The following FN1 variants were observed in gnomAD, a reference collection of about 807,000 sequenced individuals.
FN1 encodes the protein fibronectin 1, also known as fibronectin.
Under a neutral mutation model 297.3 loss-of-function variants are expected in FN1, and 106 were observed. That is an observed-to-expected ratio of 0.36 (90% confidence interval 0.30 to 0.42). The LOEUF is 0.42. Ranked by LOEUF, FN1 falls within the 10% of genes least tolerant of loss-of-function variation. FN1 has a pLI of 1.00. For synonymous variants in FN1, 1,149 were observed against 1,152.6 expected (o/e 1.00, Z 0.06); for missense variants, 2,690 against 3,124.9 (o/e 0.86, Z 3.32).
chr2:215,378,634 CCT>C (rs2057732869), intron 34 of FN1, among the ~76,000 whole-genome samples: 1 of 152,062 alleles, frequency 6.6e-6, no homozygotes. Flanking sequence ...GTCTCTGAAC[CCT>C]CTTTCTGTAG....
rs1425522048 is a variant in FN1 at position 215,401,198 on chromosome 2, A to AAAG, written c.3254-1848_3254-1847insCTT. 3.7e-3 allele frequency among the ~76,000 whole-genome samples: 318 copies of AAAG among 86,774 alleles called. 19 individuals are homozygous for AAAG. Among genetic ancestry groups the AAAG allele is most frequent in the African/African-American group, 8.3e-3 (162 of 19,514 alleles). The allele number at this position is 86,774 out of a possible 152,430, so 56.9% of individuals were successfully genotyped here. On this transcript the variant is annotated intron_variant, in intron 20 of 45. Coordinates refer to ENST00000354785, the MANE Select transcript of FN1 (RefSeq NM_212482.4). Reference sequence around the variant, plus strand: ...GAGAGAGAGTGAGAGAGAAAGAAAGAAAAGAAAGAAAGAAAGAAAGAAAGA... The same window carrying AAAG: ...GAGAGAGAGTGAGAGAGAAAGAAAGAAAGAAAGAAAGAAAGAAAGAAAGAAAGA...
intron 4 of FN1, among the ~76,000 whole-genome samples, 178 bp downstream of exon 4, chr2:215,431,655 C>T (rs1396621989): frequency 1.3e-5 from 2 of 152,188 alleles, no homozygotes; most frequent in Non-Finnish European, 2.9e-5. Context: ...ACTTTTTGAT[C>T]TAACTCCTGT....
chr2:215,397,122 C>G lies in FN1; in HGVS notation c.3604+15G>C, dbSNP rs987742032. ...GTATGGTGTATACTTGCCCTCTGAT[C>G]CATCCCAAACTTACCTGGGGTGGTG... is the stretch of plus-strand genomic sequence containing the variant. On this transcript the variant is annotated intron_variant, in intron 23 of 45. Coordinates refer to ENST00000354785, the MANE Select transcript of FN1 (RefSeq NM_212482.4). 25 of 1,574,326 alleles carry G rather than the reference C, an allele frequency of 1.6e-5. No homozygotes were observed. The highest frequency in any genetic ancestry group is 2.1e-5 in the Non-Finnish European group (24 of 1,143,668).
chr2:215,435,811 G>C lies in FN1; in HGVS notation c.-9C>G, dbSNP rs752715538. ...CCCGGACCCCTAAGCATGTTGAGAC[G>C]GTGGGGGAGAGACGCCCGCACCGGG... On this transcript the variant is annotated 5_prime_UTR_variant, in exon 1 of 46. Transcript: ENST00000354785. 5.8e-6 allele frequency: 9 copies of C among 1,538,590 alleles called. No individual in the cohort carries two copies. The highest frequency in any genetic ancestry group is 1.2e-5 in the South Asian group (1 of 84,540).
At chr2:215,371,842 C>G in intron 40 of FN1, 67 bp downstream of exon 40, 1 of 1,383,214 alleles carries the variant, frequency 7.2e-7, no homozygotes, top group Admixed American at 1.7e-5. Flanking sequence ...GAGGGCTGGT[C>G]ACTTCAGTTA....
chr2:215,419,562 A>G (rs200790265), intron 11 of FN1, among the ~76,000 whole-genome samples, 177 bp from the exon 12 acceptor site: 5 of 80,092 alleles, frequency 6.2e-5, no homozygotes, highest in Admixed American at 5.8e-4. Flanking sequence ...AGTTTGTAGT[A>G]AAAAAAAAAC....
chr2:215,386,977 G>T lies in FN1; in HGVS notation c.4343-19C>A. ...TCAAGACCTGTTTTTCCCACCCGGGGGAGGAAGAGAAAAAAAAAAGAAAAG... is the reference window on the plus strand; with the variant it reads ...TCAAGACCTGTTTTTCCCACCCGGGTGAGGAAGAGAAAAAAAAAAGAAAAG... On this transcript the variant is annotated intron_variant, in intron 27 of 45. Transcript: ENST00000354785. The T allele has an allele frequency of 6.2e-7, 1 of 1,600,518 alleles. No homozygotes were observed. Among genetic ancestry groups the T allele is most frequent in the Non-Finnish European group, 8.5e-7 (1 of 1,174,162 alleles).
intron 25 of FN1, 35 bp downstream of exon 25, chr2:215,392,896 T>C (rs553659977): frequency 6.2e-7 from 1 of 1,611,340 alleles, no homozygotes; most frequent in African/African-American, 1.3e-5. Flanking sequence ...TGCAACACCA[T>C]CTATGTCTCA....
chr2:215,392,086 G>T (rs1301352826), intron 25 of FN1: 5 of 427,374 alleles, frequency 1.2e-5, no homozygotes, highest in Non-Finnish European at 2.1e-5. Flanking sequence ...TTGACTTTAT[G>T]TACATTATTA....
intron 32 of FN1, chr2:215,381,985 C>G: frequency 2.0e-6 from 1 of 499,386 alleles, no homozygotes; most frequent in Non-Finnish European, 3.6e-6. Context: ...AAAAGAAATT[C>G]AAAGCACAGC....
intron 42 of FN1, 60 bp downstream of exon 42, chr2:215,367,803 G>T: frequency 1.3e-6 from 2 of 1,537,556 alleles, no homozygotes; most frequent in Non-Finnish European, 1.8e-6. Context: ...TGGCACATGA[G>T]TGCATGCATG....
At chr2:215,400,363 C>A (rs1322859314) in intron 20 of FN1, among the ~76,000 whole-genome samples, 1 of 152,068 alleles carries the variant, frequency 6.6e-6, no homozygotes, top group Non-Finnish European at 1.5e-5. Flanking sequence ...AATAATACTG[C>A]AAAAATTTAG....
intron 45 of FN1, 117 bp downstream of exon 45, chr2:215,361,852 T>A: frequency 1.4e-6 from 2 of 1,398,296 alleles, no homozygotes; most frequent in African/African-American, 2.9e-5. Flanking sequence ...CTTAAGTCAT[T>A]TATGAGTTGT....
intron 7 of FN1, 91 bp from the exon 8 acceptor site, chr2:215,424,416 C>T: frequency 9.6e-7 from 1 of 1,037,670 alleles, no homozygotes; most frequent in Admixed American, 1.9e-5. Context: ...AGATACTGAG[C>T]TTGTGCCCTC....
intron 12 of FN1, among the ~76,000 whole-genome samples, chr2:215,415,254 AAAGT>A (rs1346087681): frequency 6.6e-6 from 1 of 152,230 alleles, no homozygotes; most frequent in Non-Finnish European, 1.5e-5. Context: ...CTCTACTATC[AAAGT>A]AAGAATTGTG....
chr2:215,378,071 G>A, intron 35 of FN1, 104 bp downstream of exon 35: 1 of 803,512 alleles, frequency 1.2e-6, no homozygotes, highest in Non-Finnish European at 2.2e-6. Context: ...GCTTCCCAAA[G>A]TGCTTGGATT....
At chr2:215,401,495 G>A (rs1337453856) in intron 20 of FN1, among the ~76,000 whole-genome samples, 1 of 152,168 alleles carries the variant, frequency 6.6e-6, no homozygotes. Flanking sequence ...AGGGTATCAA[G>A]TGTGTTCATA....
intron 17 of FN1, 129 bp downstream of exon 17, chr2:215,407,976 ACAC>A: frequency 2.9e-6 from 2 of 695,650 alleles, no homozygotes; most frequent in Non-Finnish European, 5.1e-6. Flanking sequence ...ACACACACAC[ACAC>A]AAACCCCTCT....
chr2:215,390,851 T>TG (rs1184251786), intron 26 of FN1, among the ~76,000 whole-genome samples: 1 of 152,250 alleles, frequency 6.6e-6, no homozygotes, highest in African/African-American at 2.4e-5. Context: ...GACTAATACT[T>TG]GGTAATGTAC....
Sources: allele counts gnomAD v4.1 joint callset (sites outside exome capture counted in the v4.1 genomes callset), GRCh38; gene constraint gnomAD v4.1.1; transcripts MANE v1.5; gene names NCBI Gene and HGNC (gene_info 2026-07-23, HGNC 2026-07-21).